Variants in SLC39A11 observed in about 807,000 individuals in gnomAD.
SLC39A11 encodes the protein zinc transporter ZIP11.
SLC39A11 carries 33 observed loss-of-function variants against 36.1 expected under a neutral mutation model. The observed-to-expected ratio is 0.91, with a 90% CI of 0.69 to 1.22. The LOEUF (loss-of-function observed/expected upper bound fraction) is 1.22, where lower values mean the gene tolerates loss of function less well. Among genes scored for constraint, SLC39A11 ranks in the 50% most tolerant of loss-of-function variants. SLC39A11 has a pLI of 0.00. For missense variants in SLC39A11, 432 were observed against 430.3 expected (o/e 1.00, Z -0.03); for synonymous variants, 166 against 170.3 (o/e 0.97, Z 0.20).
intron 6 of SLC39A11, among the ~76,000 whole-genome samples, chr17:72,761,289 A>G (rs1269445956): frequency 1.3e-5 from 2 of 151,880 alleles, no homozygotes; most frequent in Non-Finnish European, 2.9e-5. Context: ...TAATTTTTGT[A>G]TATTTAGTAG....
chr17:72,815,082 A>G (rs1320872450), intron 6 of SLC39A11, among the ~76,000 whole-genome samples: 4 of 152,182 alleles, frequency 2.6e-5, no homozygotes, highest in Admixed American at 6.5e-5. Flanking sequence ...CCCAGGAGTT[A>G]TTGGTGGAAG....
chr17:73,051,722 G>C (rs537121554), intron 3 of SLC39A11, among the ~76,000 whole-genome samples: 1 of 218 alleles, frequency 4.6e-3, no homozygotes, highest in African/African-American at 0.013. Flanking sequence ...GCCAGGTGTG[G>C]TGGCATGTGC....
At chr17:72,947,640 A>G (rs2085513641) in intron 5 of SLC39A11, 112 bp downstream of exon 5, 1 of 1,482,014 alleles carries the variant, frequency 6.7e-7, no homozygotes, top group South Asian at 1.2e-5. Context: ...GGGATAGGAC[A>G]GTGCTGGCAT....
chr17:72,889,135 T>C (rs72847953), intron 5 of SLC39A11, among the ~76,000 whole-genome samples: 7,161 of 152,324 alleles, frequency 0.047, 195 homozygotes, highest in Non-Finnish European at 0.06. Flanking sequence ...GAGATGCAGA[T>C]ATGGATACCA....
chr17:72,793,012 C>T (rs1429850348), intron 6 of SLC39A11, among the ~76,000 whole-genome samples: 1 of 152,146 alleles, frequency 6.6e-6, no homozygotes, highest in Admixed American at 6.6e-5. Flanking sequence ...AAAATACAAA[C>T]AGAGCATTTC....
rs190632549 is a variant in SLC39A11, at chr17:72,811,688, T to C, written c.601+37946A>G. On this transcript the variant is annotated intron_variant, in intron 6 of 9. Coordinates refer to ENST00000255559, the MANE Select transcript of SLC39A11 (RefSeq NM_139177.4). ...GAGGTGAACTATATTATCTTTCAGG[T>C]TCATCCAAATTCTAAAATTCTTTGT... Among the ~76,000 whole-genome samples the C allele has an allele frequency of 5.3e-5, 8 of 152,336 alleles. No homozygotes were observed. The East Asian group carries it at 1.3e-3, about 26-fold the overall frequency.
At chr17:73,043,163 C>A (rs972003132) in intron 3 of SLC39A11, among the ~76,000 whole-genome samples, 1 of 152,146 alleles carries the variant, frequency 6.6e-6, no homozygotes, top group Non-Finnish European at 1.5e-5. Flanking sequence ...GGGAGGGGCT[C>A]TGGAAGGCTG....
chr17:72,922,024 G>A (rs1400879541), intron 5 of SLC39A11, among the ~76,000 whole-genome samples: 3 of 152,170 alleles, frequency 2.0e-5, no homozygotes, highest in Non-Finnish European at 4.4e-5. Flanking sequence ...GACAAAGCCA[G>A]AATTCCAAGG....
At chr17:72,919,026 G>A (rs2083486049) in intron 5 of SLC39A11, among the ~76,000 whole-genome samples, 1 of 152,146 alleles carries the variant, frequency 6.6e-6, no homozygotes, top group African/African-American at 2.4e-5. Flanking sequence ...TTGCACCACT[G>A]CACTCCAGCC....
chr17:72,928,800 G>A (rs2084211075), intron 5 of SLC39A11, among the ~76,000 whole-genome samples: 1 of 152,158 alleles, frequency 6.6e-6, no homozygotes, highest in South Asian at 2.1e-4. Flanking sequence ...AACCGAGCAA[G>A]AGTTTTCATC....
chr17:72,975,314 C>T (rs1319232312), intron 4 of SLC39A11, among the ~76,000 whole-genome samples: 1 of 152,128 alleles, frequency 6.6e-6, no homozygotes, highest in East Asian at 1.9e-4. Flanking sequence ...TGGTGCATGC[C>T]TATAATCCCA....
At chr17:73,082,596 T>C (rs1429705460) in intron 3 of SLC39A11, among the ~76,000 whole-genome samples, 2 of 152,196 alleles carry the variant, frequency 1.3e-5, no homozygotes, top group Non-Finnish European at 2.9e-5. Context: ...TTCTGTTCTT[T>C]GTACTATTTT....
chr17:72,947,582 G>T, intron 5 of SLC39A11, 170 bp downstream of exon 5: 1 of 910,026 alleles, frequency 1.1e-6, no homozygotes, highest in Non-Finnish European at 1.7e-6. Context: ...AAGGTGCTGG[G>T]CCAGATGCCA....
intron 7 of SLC39A11, among the ~76,000 whole-genome samples, chr17:72,658,556 C>T (rs11077618): frequency 0.032 from 4,844 of 152,292 alleles, 99 homozygotes; most frequent in Middle Eastern, 0.078. Flanking sequence ...CACCCATCAC[C>T]CATGTTAAAA....
chr17:72,957,274 G>A (rs2086298510), intron 4 of SLC39A11, among the ~76,000 whole-genome samples: 1 of 152,200 alleles, frequency 6.6e-6, no homozygotes, highest in Non-Finnish European at 1.5e-5. Context: ...ATGTCACATT[G>A]TCAGGTACGG....
intron 4 of SLC39A11, among the ~76,000 whole-genome samples, chr17:73,019,183 A>C (rs115313371): frequency 2.2e-3 from 339 of 152,338 alleles, no homozygotes; most frequent in East Asian, 0.018. Context: ...TGAATATTAA[A>C]AGTAGTTCTC....
intron 7 of SLC39A11, among the ~76,000 whole-genome samples, chr17:72,714,822 G>C (rs1342303171): frequency 1.3e-5 from 2 of 152,168 alleles, no homozygotes; most frequent in Admixed American, 1.3e-4. Context: ...TTTCAGATCT[G>C]GGTTCATGGA....
At chr17:72,894,668 T>TAAAA (rs758642723) in intron 5 of SLC39A11, among the ~76,000 whole-genome samples, 1 of 43,734 alleles carries the variant, frequency 2.3e-5, no homozygotes, top group African/African-American at 1.9e-4. Context: ...AGACCCTGTC[T>TAAAA]CAAAAAAAAA....
intron 5 of SLC39A11, among the ~76,000 whole-genome samples, chr17:72,900,208 A>AGAAGGAAGGAAGGAAGGAAAGAAAGAAG (rs1567913113): frequency 7.3e-6 from 1 of 136,866 alleles, no homozygotes; most frequent in African/African-American, 3.1e-5. Context: ...AAAGAAAGAA[A>AGAAGGAAGGAAGGAAGGAAAGAAAGAAG]GAAAGAAAGA....
Sources: allele counts gnomAD v4.1 joint callset (sites outside exome capture counted in the v4.1 genomes callset), GRCh38; gene constraint gnomAD v4.1.1; transcripts MANE v1.5; gene names NCBI Gene and HGNC (gene_info 2026-07-23, HGNC 2026-07-21).